JAKMIP1: variants seen among roughly 807,000 people sequenced by gnomAD.
The protein encoded by JAKMIP1 is janus kinase and microtubule-interacting protein 1.
In JAKMIP1, 33 loss-of-function variants were observed where a neutral mutation model predicts 113.0. That is an observed-to-expected ratio of 0.29 (90% CI 0.22 to 0.39). The LOEUF is 0.39. Ranked by LOEUF, JAKMIP1 falls within the 10% of genes least tolerant of loss-of-function variation. JAKMIP1 has a pLI of 1.00. For missense variants in JAKMIP1, 813 were observed against 1,080.5 expected (o/e 0.75, Z 3.47); for synonymous variants, 480 against 459.9 (o/e 1.04, Z -0.56).
intron 3 of JAKMIP1, among the ~76,000 whole-genome samples, chr4:6,102,362 T>C (rs544350404): frequency 7.2e-4 from 109 of 152,306 alleles, no homozygotes; most frequent in Non-Finnish European, 1.0e-3. Flanking sequence ...AGATGGGGTC[T>C]TTAAGAGGTG....
At chr4:6,159,865 T>A (rs1722694215) in intron 1 of JAKMIP1, among the ~76,000 whole-genome samples, 9 of 152,126 alleles carry the variant, frequency 5.9e-5, no homozygotes. Flanking sequence ...GTTAAATAAA[T>A]CATAGTATAT....
In JAKMIP1 at chr4:6,085,638, G is replaced by C; in HGVS notation, c.625-9C>G. The C allele has an allele frequency of 1.2e-6, 2 of 1,613,276 alleles. No individual in the cohort carries two copies. The highest frequency in any genetic ancestry group is 1.3e-5 in the African/African-American group (1 of 75,054). ...CCTTTGATCTCATCCATCTGAAAAG[G>C]AGAAAGAATAAGCAGTCAGCCCTAG... On this transcript the variant is annotated splice_polypyrimidine_tract_variant and intron_variant, in intron 3 of 20. Transcript: ENST00000409021.
chr4:6,126,766 C>T (rs935038088), intron 1 of JAKMIP1, among the ~76,000 whole-genome samples: 1 of 150,992 alleles, frequency 6.6e-6, no homozygotes, highest in Non-Finnish European at 1.5e-5. Flanking sequence ...AACACATGCG[C>T]CCCCCCACAC....
intron 16 of JAKMIP1, among the ~76,000 whole-genome samples, chr4:6,043,592 G>C (rs1294960730): frequency 1.3e-5 from 2 of 152,044 alleles, no homozygotes; most frequent in African/African-American, 4.8e-5. Context: ...ATGGGGAAGA[G>C]TGCCCCCTCC....
Position 6,065,000 on chromosome 4 carries a change from A to T in JAKMIP1, c.1311T>A (p.Val437=). The T allele has an allele frequency of 6.2e-7, 1 of 1,614,182 alleles. No individual in the cohort carries two copies. The highest frequency in any genetic ancestry group is 1.1e-5 in the South Asian group (1 of 91,086). ...GKSLKPPKKH[V]VETFFGFDEE... is the part of the protein sequence containing the mutation. Reference sequence around the variant, plus strand: ...CATCAAATCCAAAAAATGTCTCCACAACATGCTTCTGTAAAACGCAATTTG... The same window carrying T: ...CATCAAATCCAAAAAATGTCTCCACTACATGCTTCTGTAAAACGCAATTTG... The change falls in exon 9 of 21, where the codon GTT becomes GTA. Residue 437 remains valine, a synonymous_variant. Transcript: ENST00000409021. The surrounding 1 kb of genome is among the most constrained non-coding windows in gnomAD (Gnocchi z 4.3).
rs764459170 is a variant in JAKMIP1, at chr4:6,084,902, C to T, written c.898G>A (p.Val300Met). 19 of 1,543,288 alleles carry T rather than the reference C, an allele frequency of 1.2e-5. No homozygotes were observed. In the East Asian group the frequency reaches 4.3e-4, roughly 35 times the overall value. The change falls in exon 5 of 21, where the codon GTG (valine) becomes ATG (methionine). Residue 300 changes from valine to methionine, a missense_variant. Around this residue, in one of 2 missense-constraint regions of JAKMIP1, gnomAD observed 540 missense variants for 653.9 expected, o/e 0.83. Coordinates refer to ENST00000409021, the MANE Select transcript of JAKMIP1 (RefSeq NM_001099433.2). Reference sequence around the variant, plus strand: ...TTTCTGTCTTCCAGCTTCCGTATCACTGAATTCAGTTCAGCAATTTTTAGT... The same window carrying T: ...TTTCTGTCTTCCAGCTTCCGTATCATTGAATTCAGTTCAGCAATTTTTAGT... ...FQLKIAELNS[V>M]IRKLEDRNTL...
intron 1 of JAKMIP1, among the ~76,000 whole-genome samples, chr4:6,115,948 T>C (rs959603441): frequency 6.6e-6 from 1 of 152,066 alleles, no homozygotes; most frequent in African/African-American, 2.4e-5. Context: ...GCTCCCACCT[T>C]TGTGCACCCT....
At chr4:6,191,468 T>A (rs1158453445) in intron 1 of JAKMIP1, among the ~76,000 whole-genome samples, 1 of 152,240 alleles carries the variant, frequency 6.6e-6, no homozygotes, top group East Asian at 1.9e-4. Context: ...CCACCCCTTG[T>A]CCTCATGGGG....
chr4:6,108,052 C>T lies in JAKMIP1; in HGVS notation c.130-2085G>A, dbSNP rs7654627. On this transcript the variant is annotated intron_variant, in intron 2 of 20. Transcript: ENST00000409021. The surrounding 1 kb of genome is among the most constrained non-coding windows in gnomAD (Gnocchi z 5.6). Reference sequence around the variant, plus strand: ...GAGGCCTGTGCAGGGCAGCCCGGGGCGTCTAGGGGCTGCTTCCTGGGAGGG... The same window carrying T: ...GAGGCCTGTGCAGGGCAGCCCGGGGTGTCTAGGGGCTGCTTCCTGGGAGGG... 0.12 allele frequency among the ~76,000 whole-genome samples: 18,493 copies of T among 152,010 alleles called. 1,214 individuals are homozygous for T. Among genetic ancestry groups the T allele is most frequent in the African/African-American group, 0.16 (6,595 of 41,430 alleles).
chr4:6,182,802 G>A (rs7690807), intron 1 of JAKMIP1, among the ~76,000 whole-genome samples: 26,740 of 152,184 alleles, frequency 0.18, 2,583 homozygotes, highest in Non-Finnish European at 0.22. Flanking sequence ...TGTGAGTTTC[G>A]GAAACATATC....
chr4:6,060,238 C>T (rs1055595713), intron 11 of JAKMIP1, among the ~76,000 whole-genome samples, 186 bp downstream of exon 11: 14 of 152,158 alleles, frequency 9.2e-5, no homozygotes, highest in Non-Finnish European at 1.5e-4. Context: ...TTTTTTAACT[C>T]GGCACACAGG....
rs1319149054 is a variant in JAKMIP1 at position 6,153,548 on chromosome 4, C to T, written c.-147-40551G>A. ...TCTTCTTTTCTTAAAATTAGCTTTC[C>T]GGAGGTGTAATTTGCGCTGTAAGAG... On this transcript the variant is annotated intron_variant, in intron 1 of 20. Coordinates refer to ENST00000409021, the MANE Select transcript of JAKMIP1 (RefSeq NM_001099433.2). This position sits in a 1 kb window ranked among gnomAD's most constrained non-coding sequence, Gnocchi z 4.9. Among the ~76,000 whole-genome samples the T allele has an allele frequency of 3.3e-5, 5 of 152,178 alleles. No homozygotes were observed. Among genetic ancestry groups the T allele is most frequent in the Admixed American group, 6.5e-5 (1 of 15,282 alleles).
chr4:6,171,917 A>G (rs1428447659), intron 1 of JAKMIP1, among the ~76,000 whole-genome samples: 1 of 152,224 alleles, frequency 6.6e-6, no homozygotes, highest in Admixed American at 6.5e-5. Flanking sequence ...ATTCTTGCAA[A>G]GCCATGCAGA....
intron 1 of JAKMIP1, among the ~76,000 whole-genome samples, chr4:6,120,235 T>C (rs1716504449): frequency 6.6e-6 from 1 of 150,922 alleles, no homozygotes; most frequent in African/African-American, 2.4e-5. Context: ...AGGAAAAAAA[T>C]CTCTCTCTGA....
rs574705218 is a variant in JAKMIP1 at position 6,097,396 on chromosome 4, T to C, written c.624+8077A>G. 1.1e-4 allele frequency among the ~76,000 whole-genome samples: 16 copies of C among 152,374 alleles called. No homozygotes were observed. In the South Asian group the frequency reaches 2.3e-3, roughly 22 times the overall value. On this transcript the variant is annotated intron_variant, in intron 3 of 20. Transcript: ENST00000409021. This position sits in a 1 kb window ranked among gnomAD's most constrained non-coding sequence, Gnocchi z 4.3. ...AGAAGATAATGTGCTCATGGTAACA[T>C]GTGAGCTTGCTTGCATGGGGAGTCT...
chr4:6,163,847 C>T (rs1320188116), intron 1 of JAKMIP1, among the ~76,000 whole-genome samples: 3 of 152,180 alleles, frequency 2.0e-5, no homozygotes, highest in Non-Finnish European at 4.4e-5. Context: ...TACAACACTC[C>T]CTTAAGCCAA....
In JAKMIP1 at chr4:6,171,109, TCAC is replaced by T. The variant is rs375581960; in HGVS notation, c.-148+29141_-148+29143del. Reference sequence around the variant, plus strand: ...ACCCTTCTCACTACTACCACCATCATCACCACCACATCATCATCTCCATCACCA... The same window carrying T: ...ACCCTTCTCACTACTACCACCATCATCACCACATCATCATCTCCATCACCA... On this transcript the variant is annotated intron_variant, in intron 1 of 20. Coordinates refer to ENST00000409021, the MANE Select transcript of JAKMIP1 (RefSeq NM_001099433.2). 4.3e-3 allele frequency among the ~76,000 whole-genome samples: 573 copies of T among 133,574 alleles called. 2 individuals are homozygous for T. The highest frequency in any genetic ancestry group is 0.014 in the African/African-American group (486 of 34,786). The allele number at this position is 133,574 out of a possible 152,430, so 87.6% of individuals were successfully genotyped here.
rs886246983 is a variant in JAKMIP1, at chr4:6,089,828, C to T, written c.625-4199G>A. Among the ~76,000 whole-genome samples the T allele has an allele frequency of 1.3e-5, 2 of 152,114 alleles. No homozygotes were observed. Among genetic ancestry groups the T allele is most frequent in the Non-Finnish European group, 2.9e-5 (2 of 68,028 alleles). ...GTCCCCCAAAATGTCACATCTACCCCGAAAATCAGAATGTCACCTTACTTC... is the reference window on the plus strand; with the variant it reads ...GTCCCCCAAAATGTCACATCTACCCTGAAAATCAGAATGTCACCTTACTTC... On this transcript the variant is annotated intron_variant, in intron 3 of 20. Transcript: ENST00000409021. The surrounding 1 kb of genome is among the most constrained non-coding windows in gnomAD (Gnocchi z 5.3).
chr4:6,184,218 T>C lies in JAKMIP1; in HGVS notation c.-148+16035A>G, dbSNP rs1726377070. 6.6e-6 allele frequency among the ~76,000 whole-genome samples: 1 copy of C among 152,210 alleles called. No homozygotes were observed. Among genetic ancestry groups the C allele is most frequent in the South Asian group, 2.1e-4 (1 of 4,830 alleles). On this transcript the variant is annotated intron_variant, in intron 1 of 20. Transcript: ENST00000409021. This position sits in a 1 kb window ranked among gnomAD's most constrained non-coding sequence, Gnocchi z 4.5. The stretch of plus-strand genomic sequence containing the variant: ...AAAGAGAGGTGAGTGTATCACACTG[T>C]CCTGTGAGTATCATCCCTTCTCAAT...
Sources: allele counts gnomAD v4.1 joint callset (sites outside exome capture counted in the v4.1 genomes callset), GRCh38; gene constraint gnomAD v4.1.1; regional missense constraint gnomAD v4.1.1; non-coding constraint Gnocchi (gnomAD v3.1); transcripts MANE v1.5; gene names NCBI Gene and HGNC (gene_info 2026-07-23, HGNC 2026-07-21).